Variants in LRRIQ1 observed in about 807,000 individuals in gnomAD.
LRRIQ1 encodes leucine-rich repeat- and IQ domain-containing protein 1.
A neutral mutation model predicts 211.9 loss-of-function variants in LRRIQ1; 210 were observed. The observed-to-expected ratio is 0.99, with a 90% confidence interval of 0.89 to 1.11. The LOEUF (loss-of-function observed/expected upper bound fraction) is 1.11. LRRIQ1 is among the 50% of genes most tolerant of loss of function. The pLI, the probability that LRRIQ1 is intolerant of heterozygous loss-of-function variation, is 0.00. For synonymous variants in LRRIQ1, 699 were observed against 650.1 expected (o/e 1.08, Z -1.14); for missense variants, 2,136 against 1,939.5 (o/e 1.10, Z -1.90).
chr12:85,094,240 C>T (rs1480952842), intron 11 of LRRIQ1, among the ~76,000 whole-genome samples: 2 of 152,176 alleles, frequency 1.3e-5, no homozygotes, highest in Non-Finnish European at 2.9e-5. Flanking sequence ...CACTGTCTTC[C>T]ATCACCAACA....
In LRRIQ1 at chr12:85,036,414, C is replaced by A. The variant is rs1878064650; in HGVS notation, c.-25+7C>A. On this transcript the variant is annotated splice_region_variant and intron_variant, in intron 1 of 26. Coordinates refer to ENST00000393217, the MANE Select transcript of LRRIQ1 (RefSeq NM_001079910.2). ...GGAATCTCGCTGCTGAGGGGTGAGC[C>A]GGGGTCTTAAGACTGGGATTCCCGT... is the stretch of plus-strand genomic sequence containing the variant. 6.6e-6 allele frequency: 1 copy of A among 152,220 alleles called. No individual in the cohort carries two copies. The highest frequency in any genetic ancestry group is 1.5e-5 in the Non-Finnish European group (1 of 68,148). 9.4% of individuals were successfully genotyped at this position (152,220 alleles called of 1,614,324 possible).
intron 11 of LRRIQ1, among the ~76,000 whole-genome samples, chr12:85,079,699 A>G (rs1353119446): frequency 6.6e-6 from 1 of 152,116 alleles, no homozygotes; most frequent in South Asian, 2.1e-4. Flanking sequence ...CATTAATTTC[A>G]TATAATCATT....
chr12:85,138,760 G>GA (rs906426085), intron 19 of LRRIQ1, among the ~76,000 whole-genome samples: 5 of 151,276 alleles, frequency 3.3e-5, no homozygotes, highest in African/African-American at 9.7e-5. Flanking sequence ...TTTTATGCTA[G>GA]AAAAAAAGCC....
At chr12:85,204,671 G>A (rs1160520674) in intron 24 of LRRIQ1, among the ~76,000 whole-genome samples, 2 of 152,054 alleles carry the variant, frequency 1.3e-5, no homozygotes, top group African/African-American at 2.4e-5. Flanking sequence ...GGGATCTGTA[G>A]CCCCTTTGTT....
Position 85,213,924 on chromosome 12 carries a change from AC to A in LRRIQ1, c.4823-15591del, listed in dbSNP as rs1308946382. ...GAAAATAAGAGAGAAAACACAAATA[AC>A]CAGTATCATGAATAGAAAAGGGATA... On this transcript the variant is annotated intron_variant, in intron 24 of 26. Transcript: ENST00000393217. Among the ~76,000 whole-genome samples the A allele has an allele frequency of 7.2e-5, 11 of 152,110 alleles. No individual in the cohort carries two copies. In the East Asian group the frequency reaches 1.9e-3, roughly 27 times the overall value.
intron 21 of LRRIQ1, 67 bp from the exon 22 acceptor site, chr12:85,153,596 T>C: frequency 1.0e-6 from 1 of 959,732 alleles, no homozygotes; most frequent in Non-Finnish European, 1.6e-6. Context: ...ATAAACAGTT[T>C]GTAGTTTTAA....
chr12:85,170,618 T>TA (rs1382416674), intron 24 of LRRIQ1, among the ~76,000 whole-genome samples: 2 of 151,572 alleles, frequency 1.3e-5, no homozygotes, highest in Non-Finnish European at 2.9e-5. Flanking sequence ...TCAGAGCTCT[T>TA]AGAGTTTTTT....
chr12:85,222,931 G>A (rs1894469544), intron 24 of LRRIQ1, among the ~76,000 whole-genome samples: 1 of 152,122 alleles, frequency 6.6e-6, no homozygotes, highest in African/African-American at 2.4e-5. Flanking sequence ...AATGGCGAAA[G>A]AAAGAAGGAA....
At chr12:85,129,617 G>T (rs999221549) in intron 18 of LRRIQ1, among the ~76,000 whole-genome samples, 3 of 152,136 alleles carry the variant, frequency 2.0e-5, no homozygotes, top group Non-Finnish European at 4.4e-5. Context: ...CGATATCTGT[G>T]GGAAGAATAT....
At chr12:85,229,334 A>G (rs1894819951) in intron 24 of LRRIQ1, among the ~76,000 whole-genome samples, 183 bp from the exon 25 acceptor site, 1 of 152,206 alleles carries the variant, frequency 6.6e-6, no homozygotes, top group Non-Finnish European at 1.5e-5. Context: ...CTAAGCAGGA[A>G]AAACAGTTAA....
chr12:85,120,777 A>G (rs1887917713), intron 15 of LRRIQ1, among the ~76,000 whole-genome samples: 2 of 152,134 alleles, frequency 1.3e-5, no homozygotes, highest in South Asian at 4.1e-4. Flanking sequence ...ACTTTATTGA[A>G]GGAGTTCACT....
chr12:85,065,136 G>T (rs767559609), intron 8 of LRRIQ1, 126 bp from the exon 9 acceptor site: 94 of 713,924 alleles, frequency 1.3e-4, no homozygotes, highest in Non-Finnish European at 1.9e-4. Context: ...GTTAATAAAT[G>T]TAGGCTTCAA....
chr12:85,191,262 C>T (rs892650320), intron 24 of LRRIQ1, among the ~76,000 whole-genome samples: 4 of 151,876 alleles, frequency 2.6e-5, no homozygotes, highest in African/African-American at 9.7e-5. Context: ...TGTATCCAGC[C>T]TCATAGTGCC....
chr12:85,076,511 G>T (rs1207345889), intron 11 of LRRIQ1: 1 of 338,842 alleles, frequency 3.0e-6, no homozygotes, highest in East Asian at 1.7e-4. Context: ...AAATTATCAT[G>T]TAAATAGTAG....
chr12:85,233,717 A>T (rs1895055969), intron 26 of LRRIQ1, among the ~76,000 whole-genome samples: 1 of 152,156 alleles, frequency 6.6e-6, no homozygotes, highest in Admixed American at 6.5e-5. Context: ...TTGGAATCTA[A>T]GCACAGATTT....
chr12:85,078,180 C>T (rs1883877251), intron 11 of LRRIQ1, among the ~76,000 whole-genome samples: 1 of 152,102 alleles, frequency 6.6e-6, no homozygotes, highest in Non-Finnish European at 1.5e-5. Context: ...ATTCAGCCCT[C>T]TCTGAAGCCT....
In LRRIQ1 at chr12:85,175,566, A is replaced by T. The variant is rs539126341; in HGVS notation, c.4822+14852A>T. 2.6e-5 allele frequency among the ~76,000 whole-genome samples: 4 copies of T among 152,326 alleles called. No individual in the cohort carries two copies. In the South Asian group the frequency reaches 6.2e-4, roughly 24 times the overall value. ...TCAGGGGTTTTAACAATAATAAGAC[A>T]TGAAGTCCTTTCCCATGCCTATGTC... On this transcript the variant is annotated intron_variant, in intron 24 of 26. Coordinates refer to ENST00000393217, the MANE Select transcript of LRRIQ1 (RefSeq NM_001079910.2).
chr12:85,122,020 G>T, intron 16 of LRRIQ1, 144 bp downstream of exon 16: 1 of 529,734 alleles, frequency 1.9e-6, no homozygotes, highest in South Asian at 6.6e-5. Flanking sequence ...TAAAAACTTT[G>T]GACATCATGT....
intron 11 of LRRIQ1, among the ~76,000 whole-genome samples, chr12:85,095,308 G>T (rs1004338556): frequency 1.3e-5 from 2 of 152,116 alleles, no homozygotes; most frequent in Admixed American, 1.3e-4. Context: ...AGTTTGTTGA[G>T]AGTTTTTATC....
Sources: gnomAD v4.1 joint callset for allele counts (sites outside exome capture counted in the v4.1 genomes callset) on GRCh38, gnomAD v4.1.1 for gene constraint, MANE v1.5 for transcripts, NCBI Gene and HGNC (gene_info 2026-07-23, HGNC 2026-07-21) for gene names.